SLC4A5: variants seen among roughly 807,000 people sequenced by gnomAD.
SLC4A5 encodes electrogenic sodium bicarbonate cotransporter 4.
A neutral mutation model predicts 120.4 loss-of-function variants in SLC4A5; 96 were observed. The observed-to-expected ratio is 0.80, with a 90% CI of 0.68 to 0.94. SLC4A5 has a LOEUF of 0.94. Among genes scored for constraint, SLC4A5 ranks in the 40% least tolerant of loss-of-function variants. SLC4A5 has a pLI of 0.00. For missense variants in SLC4A5, 1,259 were observed against 1,459.5 expected (o/e 0.86, Z 2.24); for synonymous variants, 550 against 571.1 (o/e 0.96, Z 0.53).
At chr2:74,286,433 G>A (rs185076991) in intron 7 of SLC4A5, among the ~76,000 whole-genome samples, 18 of 152,300 alleles carry the variant, frequency 1.2e-4, no homozygotes, top group Non-Finnish European at 1.8e-4. Context: ...CCCATTGGAA[G>A]TCACTTCCTG....
intron 8 of SLC4A5, among the ~76,000 whole-genome samples, chr2:74,272,183 T>C (rs1671494646): frequency 1.3e-5 from 2 of 152,198 alleles, no homozygotes; most frequent in South Asian, 4.1e-4. Flanking sequence ...AGCATGTGTG[T>C]CTGTGTGTCT....
chr2:74,225,364 G>A (rs1283111417), intron 27 of SLC4A5, among the ~76,000 whole-genome samples: 2 of 152,188 alleles, frequency 1.3e-5, no homozygotes, highest in East Asian at 3.8e-4. Context: ...GGGAGGCCGA[G>A]GTGGGCAGAT....
intron 6 of SLC4A5, chr2:74,307,675 G>A (rs1289388880): frequency 9.1e-6 from 9 of 987,476 alleles, no homozygotes; most frequent in South Asian, 2.5e-5. Flanking sequence ...AGGTGCTCCC[G>A]GATTTTGCTC....
chr2:74,280,318 C>T (rs1671773346), intron 8 of SLC4A5, among the ~76,000 whole-genome samples: 1 of 152,130 alleles, frequency 6.6e-6, no homozygotes, highest in African/African-American at 2.4e-5. Flanking sequence ...CTTCCTTGAC[C>T]CCTCCTGCCT....
intron 2 of SLC4A5, 98 bp from the exon 3 acceptor site, chr2:74,339,001 A>C (rs1673562557): frequency 6.6e-6 from 1 of 152,164 alleles, no homozygotes; most frequent in Non-Finnish European, 1.5e-5. Flanking sequence ...CATGGGAAGG[A>C]TTTTAACAAG....
intron 19 of SLC4A5, among the ~76,000 whole-genome samples, chr2:74,245,093 G>A (rs11893382): frequency 2.7e-3 from 410 of 152,282 alleles, no homozygotes; most frequent in African/African-American, 8.8e-3. Flanking sequence ...GGCCAGGGCA[G>A]GCAGATCACG....
intron 6 of SLC4A5, among the ~76,000 whole-genome samples, chr2:74,314,557 A>G (rs1672904852): frequency 6.6e-6 from 1 of 152,156 alleles, no homozygotes; most frequent in Admixed American, 6.5e-5. Flanking sequence ...GCAATTCTGG[A>G]GCAACAGAAA....
chr2:74,315,207 A>G (rs540507347), intron 5 of SLC4A5, among the ~76,000 whole-genome samples, 182 bp from the exon 6 acceptor site: 1 of 152,294 alleles, frequency 6.6e-6, no homozygotes, highest in South Asian at 2.1e-4. Context: ...TGGGAGGCTG[A>G]GGCGGGTGGA....
chr2:74,317,742 AT>A (rs1375016876), intron 5 of SLC4A5, among the ~76,000 whole-genome samples: 1 of 152,244 alleles, frequency 6.6e-6, no homozygotes, highest in Non-Finnish European at 1.5e-5. Context: ...TAGAACCCTA[AT>A]GAAGTTTAGG....
intron 7 of SLC4A5, among the ~76,000 whole-genome samples, 194 bp downstream of exon 7, chr2:74,304,295 T>C (rs1672569652): frequency 6.6e-6 from 1 of 152,114 alleles, no homozygotes; most frequent in Admixed American, 6.5e-5. Flanking sequence ...AGACAGGGTG[T>C]CAGTCTGACC....
chr2:74,219,823 A>C (rs113186844), intron 30 of SLC4A5, among the ~76,000 whole-genome samples: 12 of 152,330 alleles, frequency 7.9e-5, no homozygotes, highest in African/African-American at 2.4e-4. Flanking sequence ...TAGGAGCCTG[A>C]CTGGGGAAGT....
intron 29 of SLC4A5, among the ~76,000 whole-genome samples, chr2:74,222,631 G>A (rs151299643): frequency 7.6e-4 from 116 of 152,270 alleles, no homozygotes; most frequent in Non-Finnish European, 1.1e-3. Flanking sequence ...TCTAGGTTGC[G>A]TATTCCTTAA....
chr2:74,279,657 C>T (rs1186107993), intron 8 of SLC4A5, among the ~76,000 whole-genome samples: 1 of 152,182 alleles, frequency 6.6e-6, no homozygotes, highest in Admixed American at 6.5e-5. Flanking sequence ...GACCCCTGGA[C>T]ATCTCCACTT....
chr2:74,303,851 ATTT>A (rs11287779), intron 7 of SLC4A5, among the ~76,000 whole-genome samples: 1 of 143,518 alleles, frequency 7.0e-6, no homozygotes, highest in African/African-American at 2.6e-5. Flanking sequence ...CATTATTATT[ATTT>A]TTTTTTTTTT....
In SLC4A5 at chr2:74,323,012, G is replaced by A. The variant is rs574765097; in HGVS notation, c.-3+5108C>T. 2.0e-5 allele frequency among the ~76,000 whole-genome samples: 3 copies of A among 152,302 alleles called. No homozygotes were observed. In the South Asian group the frequency reaches 6.2e-4, roughly 32 times the overall value. On this transcript the variant is annotated intron_variant, in intron 5 of 30. Transcript: ENST00000394019. ...CCAGCACTTTGGGAGGCTAAGGCGG[G>A]TGGATCACCTGAGGTCAGGAGTTCA...
chr2:74,257,761 C>A (rs376299408), intron 12 of SLC4A5, among the ~76,000 whole-genome samples: 2 of 151,930 alleles, frequency 1.3e-5, no homozygotes, highest in Non-Finnish European at 2.9e-5. Flanking sequence ...TATTTTTGAT[C>A]GAGATAGGGT....
At chr2:74,256,659 T>C (rs1389481427) in intron 12 of SLC4A5, among the ~76,000 whole-genome samples, 1 of 152,186 alleles carries the variant, frequency 6.6e-6, no homozygotes, top group African/African-American at 2.4e-5. Flanking sequence ...TCCACCCAAA[T>C]GTATTCCCAC....
chr2:74,291,569 C>T (rs1672174081), intron 7 of SLC4A5, among the ~76,000 whole-genome samples: 1 of 152,252 alleles, frequency 6.6e-6, no homozygotes, highest in Admixed American at 6.5e-5. Flanking sequence ...CCCTACACTG[C>T]CCCATTGAGG....
chr2:74,284,565 G>T (rs1360969891), intron 8 of SLC4A5, among the ~76,000 whole-genome samples: 1 of 152,150 alleles, frequency 6.6e-6, no homozygotes, highest in African/African-American at 2.4e-5. Flanking sequence ...TGGGGGCAGA[G>T]TGGCATCATG....
Sources: allele counts gnomAD v4.1 joint callset (sites outside exome capture counted in the v4.1 genomes callset), GRCh38; gene constraint gnomAD v4.1.1; transcripts MANE v1.5; gene names NCBI Gene and HGNC (gene_info 2026-07-23, HGNC 2026-07-21).